The following EDIL3 variants were observed in gnomAD, a reference collection of about 807,000 sequenced individuals.
EDIL3 encodes the protein EGF like and discoidin domains 3.
A neutral mutation model predicts 67.4 loss-of-function variants in EDIL3; 37 were observed. The ratio of observed to expected loss-of-function variants is 0.55; its 90% CI spans 0.42 to 0.72. The LOEUF (loss-of-function observed/expected upper bound fraction) is 0.72, where lower values mean the gene tolerates loss of function less well. Among genes scored for constraint, EDIL3 ranks in the 30% least tolerant of loss-of-function variants. The probability of loss-of-function intolerance (pLI) is 0.00; values close to 1 mark genes in which losing one functional copy is unlikely to be tolerated. For missense variants in EDIL3, 527 were observed against 586.3 expected (o/e 0.90, Z 1.04); for synonymous variants, 195 against 196.3 (o/e 0.99, Z 0.05).
At chr5:84,113,047 A>G (rs983568581) in intron 5 of EDIL3, among the ~76,000 whole-genome samples, 3 of 152,180 alleles carry the variant, frequency 2.0e-5, no homozygotes, top group Non-Finnish European at 4.4e-5. Flanking sequence ...TTTAAAAAAA[A>G]TGTAACTGAT....
intron 1 of EDIL3, among the ~76,000 whole-genome samples, chr5:84,333,592 TA>T (rs1282594294): frequency 3.3e-5 from 5 of 152,176 alleles, no homozygotes; most frequent in Non-Finnish European, 7.4e-5. Context: ...TATCTCATGC[TA>T]AAGTTTGTTT....
intron 1 of EDIL3, among the ~76,000 whole-genome samples, chr5:84,270,246 C>A (rs1467761441): frequency 6.6e-6 from 1 of 152,042 alleles, no homozygotes; most frequent in Non-Finnish European, 1.5e-5. Flanking sequence ...ATGATAACTA[C>A]TAAGGTTGAA....
intron 4 of EDIL3, among the ~76,000 whole-genome samples, chr5:84,140,038 A>G (rs1160391659): frequency 6.6e-6 from 1 of 152,046 alleles, no homozygotes; most frequent in African/African-American, 2.4e-5. Context: ...ACTGCGTTTT[A>G]TTTTTTTGGC....
chr5:84,278,647 T>C (rs1173398169), intron 1 of EDIL3, among the ~76,000 whole-genome samples: 1 of 152,152 alleles, frequency 6.6e-6, no homozygotes, highest in African/African-American at 2.4e-5. Flanking sequence ...CTTCTTAGAT[T>C]CTAACGTAAT....
At chr5:84,072,937 C>T (rs1215349918) in intron 6 of EDIL3, among the ~76,000 whole-genome samples, 2 of 151,764 alleles carry the variant, frequency 1.3e-5, no homozygotes, top group African/African-American at 4.8e-5. Context: ...TTGCATACTC[C>T]CCAAAATTTT....
chr5:84,203,277 G>A (rs2112380278), intron 3 of EDIL3, among the ~76,000 whole-genome samples: 1 of 152,246 alleles, frequency 6.6e-6, no homozygotes, highest in African/African-American at 2.4e-5. Flanking sequence ...AAATCTCAAA[G>A]ATGAGGCATT....
rs990000903 is a variant in EDIL3, at chr5:83,942,870, G to A, written c.*549C>T. 2 of 152,554 alleles carry A rather than the reference G, an allele frequency of 1.3e-5. No individual in the cohort carries two copies. The highest frequency in any genetic ancestry group is 1.3e-4 in the Admixed American group (2 of 15,258). 9.5% of individuals were successfully genotyped at this position (152,554 alleles called of 1,614,324 possible). On this transcript the variant is annotated 3_prime_UTR_variant, in exon 11 of 11. Coordinates refer to ENST00000296591, the MANE Select transcript of EDIL3 (RefSeq NM_005711.5). ...ATTAGAAATAATGAAAGTAAAATGA[G>A]AATTATAATATCAGTACTGCATGTT... is the stretch of plus-strand genomic sequence containing the variant.
At chr5:84,305,988 T>G (rs1307849055) in intron 1 of EDIL3, among the ~76,000 whole-genome samples, 1 of 152,096 alleles carries the variant, frequency 6.6e-6, no homozygotes, top group Non-Finnish European at 1.5e-5. Context: ...TCCCCCCAGA[T>G]TCTCTGATCT....
At chr5:84,268,448 A>T (rs1411085319) in intron 1 of EDIL3, among the ~76,000 whole-genome samples, 1 of 152,212 alleles carries the variant, frequency 6.6e-6, no homozygotes, top group Non-Finnish European at 1.5e-5. Flanking sequence ...AATTTAAAGC[A>T]TACATATTTA....
rs1225659591 is a variant in EDIL3 at position 84,297,993 on chromosome 5, T to C, written c.68-43781A>G. On this transcript the variant is annotated intron_variant, in intron 1 of 10. Transcript: ENST00000296591. ...ACAGAGCTTGGTGTTCCCAAAGCCC[T>C]CAAGGGGTTTTAGACCCCGGACCCC... 2.6e-5 allele frequency among the ~76,000 whole-genome samples: 4 copies of C among 152,058 alleles called. No individual in the cohort carries two copies. The South Asian group carries it at 6.2e-4, about 24-fold the overall frequency.
intron 4 of EDIL3, among the ~76,000 whole-genome samples, chr5:84,159,569 T>C (rs1395670288): frequency 5.3e-5 from 8 of 152,008 alleles, no homozygotes; most frequent in Non-Finnish European, 1.5e-5. Context: ...ATCCCAGTAG[T>C]AAAATTTTAA....
intron 1 of EDIL3, among the ~76,000 whole-genome samples, chr5:84,255,963 T>G (rs551608358): frequency 6.6e-6 from 1 of 152,182 alleles, no homozygotes; most frequent in Non-Finnish European, 1.5e-5. Flanking sequence ...AAGGAATCAA[T>G]GAGAGAGTGT....
chr5:84,099,541 C>A (rs1419844658), intron 6 of EDIL3, among the ~76,000 whole-genome samples: 1 of 152,100 alleles, frequency 6.6e-6, no homozygotes, highest in African/African-American at 2.4e-5. Flanking sequence ...AAAACTGAAA[C>A]TGGACCCCTT....
intron 9 of EDIL3, among the ~76,000 whole-genome samples, chr5:83,999,579 T>C (rs1237320752): frequency 6.6e-6 from 1 of 151,982 alleles, no homozygotes; most frequent in East Asian, 1.9e-4. Flanking sequence ...ACAGGCTTTA[T>C]GAAGATACAC....
chr5:84,092,259 C>T (rs1561428602), intron 6 of EDIL3, among the ~76,000 whole-genome samples: 1 of 151,964 alleles, frequency 6.6e-6, no homozygotes, highest in African/African-American at 2.4e-5. Context: ...TTCACTGTAC[C>T]ATATCATAAA....
chr5:83,954,052 A>C (rs1341884945), intron 10 of EDIL3, among the ~76,000 whole-genome samples: 1 of 151,818 alleles, frequency 6.6e-6, no homozygotes, highest in East Asian at 1.9e-4. Context: ...AAAAGTAGAA[A>C]AATACTGCCA....
chr5:84,118,622 TA>T (rs1471824964), intron 5 of EDIL3, among the ~76,000 whole-genome samples: 1 of 152,096 alleles, frequency 6.6e-6, no homozygotes, highest in African/African-American at 2.4e-5. Flanking sequence ...AACAGAACCC[TA>T]AAGAAAAAGT....
chr5:84,000,688 T>A (rs1288378247), intron 9 of EDIL3, among the ~76,000 whole-genome samples: 3 of 151,592 alleles, frequency 2.0e-5, no homozygotes, highest in Admixed American at 2.0e-4. Context: ...AAATCCAAGG[T>A]GACAGTATTC....
chr5:84,206,398 G>T (rs1399115323), intron 3 of EDIL3, among the ~76,000 whole-genome samples: 2 of 151,996 alleles, frequency 1.3e-5, no homozygotes, highest in East Asian at 3.9e-4. Flanking sequence ...TGTTGATTTG[G>T]GGTGGAGAGT....
Sources: allele counts gnomAD v4.1 joint callset (sites outside exome capture counted in the v4.1 genomes callset), GRCh38; gene constraint gnomAD v4.1.1; transcripts MANE v1.5; gene names NCBI Gene and HGNC (gene_info 2026-07-23, HGNC 2026-07-21).